PPP2CB: variants seen among roughly 807,000 people sequenced by gnomAD.
The protein encoded by PPP2CB is serine/threonine-protein phosphatase 2A catalytic subunit beta isoform.
PPP2CB carries 18 observed loss-of-function variants against 39.1 expected under a neutral mutation model. The ratio of observed to expected loss-of-function variants is 0.46; its 90% CI spans 0.32 to 0.68. The LOEUF (loss-of-function observed/expected upper bound fraction) is 0.68, where lower values mean the gene tolerates loss of function less well. PPP2CB is among the 30% of genes least tolerant of loss of function. PPP2CB has a pLI of 0.04. For missense variants in PPP2CB, 226 were observed against 396.9 expected, an observed-to-expected ratio of 0.57 and a Z score of 3.66; for synonymous variants, 129 against 133.8, an observed-to-expected ratio of 0.96 and a Z score of 0.25.
At chr8:30,808,711 A>AT (rs1806767246) in intron 1 of PPP2CB, among the ~76,000 whole-genome samples, 1 of 152,176 alleles carries the variant, frequency 6.6e-6, no homozygotes. Flanking sequence ...TGTGGTTCAC[A>AT]TAACAGGCAC....
At chr8:30,789,901 C>T (rs1479231381) in intron 6 of PPP2CB, among the ~76,000 whole-genome samples, 1 of 152,140 alleles carries the variant, frequency 6.6e-6, no homozygotes, top group Non-Finnish European at 1.5e-5. Flanking sequence ...TCTCTGAAGG[C>T]TCTAGGAAAA....
At chr8:30,792,404 C>A (rs549247705) in intron 5 of PPP2CB, among the ~76,000 whole-genome samples, 4 of 151,162 alleles carry the variant, frequency 2.6e-5, no homozygotes, top group Non-Finnish European at 5.9e-5. Flanking sequence ...TACCAATATA[C>A]CATTTTCCAA....
chr8:30,799,250 C>A (rs901251864), intron 2 of PPP2CB, among the ~76,000 whole-genome samples: 3 of 152,118 alleles, frequency 2.0e-5, no homozygotes, highest in African/African-American at 7.2e-5. Context: ...GAACAACAGA[C>A]TTTTCAAAGC....
intron 3 of PPP2CB, 48 bp from the exon 4 acceptor site, chr8:30,794,329 A>G (rs1806484915): frequency 1.4e-6 from 2 of 1,443,730 alleles, no homozygotes; most frequent in East Asian, 2.3e-5. Flanking sequence ...ACTAACTCCA[A>G]ACAGTTAACA....
At chr8:30,809,249 G>A (rs889680393) in intron 1 of PPP2CB, among the ~76,000 whole-genome samples, 3 of 151,850 alleles carry the variant, frequency 2.0e-5, no homozygotes, top group African/African-American at 7.3e-5. Flanking sequence ...AACCAACCCG[G>A]GAGGATTGGT....
Position 30,799,461 on chromosome 8 carries a change from T to C in PPP2CB, c.312+85A>G, listed in dbSNP as rs1806582269. On this transcript the variant is annotated intron_variant, in intron 2 of 6. Coordinates refer to ENST00000221138, the MANE Select transcript of PPP2CB (RefSeq NM_001009552.2). ...AAGGGGCTATAAACTGAACAGACCA[T>C]AAAACAGATGATATGCAATACTGTC... 4.4e-6 allele frequency: 5 copies of C among 1,139,866 alleles called. No individual in the cohort carries two copies. In the East Asian group the frequency reaches 9.4e-5, roughly 22 times the overall value. 70.6% of individuals were successfully genotyped at this position (1,139,866 alleles called of 1,614,324 possible). A position where few individuals can be genotyped will look rare whatever the true frequency, so the allele number is the denominator to read the frequency against.
At chr8:30,786,345 A>C (rs1038123805) in intron 6 of PPP2CB, 38 bp from the exon 7 acceptor site, 1 of 1,488,274 alleles carries the variant, frequency 6.7e-7, no homozygotes, top group Non-Finnish European at 9.2e-7. Context: ...AAAGGATCTG[A>C]CTTTGCAAAG....
intron 1 of PPP2CB, among the ~76,000 whole-genome samples, chr8:30,811,694 G>A (rs1298803991): frequency 1.3e-5 from 2 of 151,614 alleles, no homozygotes; most frequent in Admixed American, 6.6e-5. Flanking sequence ...TGGAGACGGG[G>A]CCTCACTATG....
At chr8:30,800,735 G>C (rs1806607290) in intron 1 of PPP2CB, among the ~76,000 whole-genome samples, 1 of 152,200 alleles carries the variant, frequency 6.6e-6, no homozygotes, top group African/African-American at 2.4e-5. Flanking sequence ...CACCAGAAGA[G>C]ACTCTCAGGC....
chr8:30,811,273 T>C (rs1442396319), intron 1 of PPP2CB, among the ~76,000 whole-genome samples: 1 of 152,192 alleles, frequency 6.6e-6, no homozygotes, highest in Non-Finnish European at 1.5e-5. Flanking sequence ...TTCTGCAAAG[T>C]GCTATCGTGC....
chr8:30,793,707 T>G, intron 5 of PPP2CB: 1 of 464,344 alleles, frequency 2.2e-6, no homozygotes, highest in Non-Finnish European at 3.8e-6. Flanking sequence ...ACTATTTTTG[T>G]AACTTTTTTC....
At chr8:30,799,470 T>C (rs765618845) in intron 2 of PPP2CB, 76 bp downstream of exon 2, 7 of 1,177,022 alleles carry the variant, frequency 5.9e-6, no homozygotes, top group Non-Finnish European at 8.7e-6. Flanking sequence ...ATAAAACAGA[T>C]GATATGCAAT....
chr8:30,799,786 A>T (rs1350292546), intron 1 of PPP2CB, 31 bp from the exon 2 acceptor site: 1 of 1,583,590 alleles, frequency 6.3e-7, no homozygotes, highest in Non-Finnish European at 8.7e-7. Context: ...ACAATTACAA[A>T]GTTAAAACTA....
rs1360019228 is a variant in PPP2CB, at chr8:30,798,661, T to C, written c.312+885A>G. On this transcript the variant is annotated intron_variant, in intron 2 of 6. Coordinates refer to ENST00000221138, the MANE Select transcript of PPP2CB (RefSeq NM_001009552.2). ...TGTATGCCTGCAGTTAAGTGACCCATGACCATGTAATATATGGCTTCTGCT... is the reference window on the plus strand; with the variant it reads ...TGTATGCCTGCAGTTAAGTGACCCACGACCATGTAATATATGGCTTCTGCT... Among the ~76,000 whole-genome samples the C allele has an allele frequency of 2.6e-5, 4 of 152,198 alleles. No individual in the cohort carries two copies. The East Asian group carries it at 7.7e-4, about 29-fold the overall frequency.
chr8:30,786,800 A>T (rs891609286), intron 6 of PPP2CB, among the ~76,000 whole-genome samples: 1 of 150,986 alleles, frequency 6.6e-6, no homozygotes, highest in East Asian at 2.0e-4. Flanking sequence ...AGTAGCTGGG[A>T]CTACAGGAAC....
chr8:30,812,088 C>T (rs920246606), intron 1 of PPP2CB, among the ~76,000 whole-genome samples: 3 of 152,050 alleles, frequency 2.0e-5, no homozygotes, highest in Admixed American at 6.5e-5. Flanking sequence ...GGGATCTGGG[C>T]AGCCGGCCGG....
At chr8:30,805,039 G>A (rs993064564) in intron 1 of PPP2CB, among the ~76,000 whole-genome samples, 2 of 152,086 alleles carry the variant, frequency 1.3e-5, no homozygotes, top group Non-Finnish European at 2.9e-5. Context: ...CTGGTACATA[G>A]TGGTTCAACT....
rs773741688 is a variant in PPP2CB, at chr8:30,812,459, C to G, written c.-38G>C. The G allele has an allele frequency of 2.8e-6, 4 of 1,421,706 alleles. No individual in the cohort carries two copies. The highest frequency in any genetic ancestry group is 1.3e-5 in the South Asian group (1 of 74,512). 88.1% of individuals were successfully genotyped at this position (1,421,706 alleles called of 1,614,324 possible). On this transcript the variant is annotated 5_prime_UTR_variant, in exon 1 of 7. Transcript: ENST00000221138. ...CCGATGCGGATCCCGAGCCCCAGCCCGGCCGCCGCCCTCCCCCCTCCCCAC... is the reference window on the plus strand; with the variant it reads ...CCGATGCGGATCCCGAGCCCCAGCCGGGCCGCCGCCCTCCCCCCTCCCCAC...
At chr8:30,797,864 TATTAA>T (rs1321083214) in intron 2 of PPP2CB, 110 bp from the exon 3 acceptor site, 2 of 1,015,042 alleles carry the variant, frequency 2.0e-6, no homozygotes, top group Non-Finnish European at 2.8e-6. Flanking sequence ...GCCACCAGTA[TATTAA>T]ATGTTAATTT....
Sources: allele counts gnomAD v4.1 joint callset (sites outside exome capture counted in the v4.1 genomes callset), GRCh38; gene constraint gnomAD v4.1.1; transcripts MANE v1.5; gene names NCBI Gene and HGNC (gene_info 2026-07-23, HGNC 2026-07-21).